FHIT: variants seen among roughly 807,000 people sequenced by gnomAD.
FHIT encodes fragile histidine triad diadenosine triphosphatase.
Under a neutral mutation model 17.9 loss-of-function variants are expected in FHIT, and 19 were observed. The ratio of observed to expected loss-of-function variants is 1.06; its 90% confidence interval spans 0.74 to 1.56. The LOEUF (loss-of-function observed/expected upper bound fraction) is 1.56. Ranked by LOEUF, FHIT falls within the 40% of genes most tolerant of loss-of-function variation. FHIT has a pLI of 0.00. For synonymous variants in FHIT, 81 were observed against 69.7 expected, an observed-to-expected ratio of 1.16 and a Z score of -0.81; for missense variants, 248 against 189.2, an observed-to-expected ratio of 1.31 and a Z score of -1.82.
chr3:60,656,842 C>T (rs1333927925), intron 4 of FHIT, among the ~76,000 whole-genome samples: 1 of 152,158 alleles, frequency 6.6e-6, no homozygotes, highest in African/African-American at 2.4e-5. Context: ...AGATTTTGCA[C>T]ATTGACAAAA....
intron 5 of FHIT, among the ~76,000 whole-genome samples, chr3:60,029,903 G>GTGTGTGTGTC (rs1559562916): frequency 6.9e-6 from 1 of 145,878 alleles, no homozygotes; most frequent in Non-Finnish European, 1.5e-5. Context: ...GTGTCTGTGT[G>GTGTGTGTGTC]TGTGTGTGTG....
chr3:59,983,720 G>C (rs1708757929), intron 7 of FHIT, among the ~76,000 whole-genome samples: 1 of 152,114 alleles, frequency 6.6e-6, no homozygotes, highest in Non-Finnish European at 1.5e-5. Context: ...CCTGGCTGTG[G>C]AAGGTGGCCT....
chr3:60,961,899 C>T (rs1553781056), intron 3 of FHIT, among the ~76,000 whole-genome samples: 2 of 152,162 alleles, frequency 1.3e-5, no homozygotes, highest in East Asian at 3.8e-4. Context: ...TTAGGATTGA[C>T]TTGGCAATGT....
chr3:59,858,093 G>A (rs1191661867), intron 8 of FHIT, among the ~76,000 whole-genome samples: 1 of 152,144 alleles, frequency 6.6e-6, no homozygotes, highest in Non-Finnish European at 1.5e-5. Flanking sequence ...AATGCAGAGA[G>A]AGTAAAAGGG....
At chr3:60,672,163 G>C (rs1441908663) in intron 4 of FHIT, among the ~76,000 whole-genome samples, 2 of 152,114 alleles carry the variant, frequency 1.3e-5, no homozygotes, top group Non-Finnish European at 2.9e-5. Context: ...TGCATATGTT[G>C]TAGTCAGCAT....
At position 60,953,611 on chromosome 3, in the gene FHIT, C is replaced by T. The variant is rs537026928; in HGVS notation, c.-111+88436G>A. On this transcript the variant is annotated intron_variant, in intron 3 of 9. Coordinates refer to ENST00000492590, the MANE Select transcript of FHIT (RefSeq NM_002012.4). ...GTGGTCTATCAGCTAAATTTAGCTC[C>T]TGTTGTGCCAATTGAAAAATGCCAA... 2.0e-5 allele frequency among the ~76,000 whole-genome samples: 3 copies of T among 152,286 alleles called. No individual in the cohort carries two copies. The South Asian group carries it at 6.2e-4, about 32-fold the overall frequency.
intron 4 of FHIT, among the ~76,000 whole-genome samples, chr3:60,559,873 CT>C (rs1286263396): frequency 6.6e-6 from 1 of 152,164 alleles, no homozygotes; most frequent in Admixed American, 6.5e-5. Context: ...ATGTTGGAGT[CT>C]TCCTGTGTTG....
At chr3:60,675,684 T>C (rs1559631992) in intron 4 of FHIT, among the ~76,000 whole-genome samples, 1 of 152,218 alleles carries the variant, frequency 6.6e-6, no homozygotes, top group Admixed American at 6.5e-5. Flanking sequence ...GTCTCTATGA[T>C]AGACTCTGAC....
chr3:60,672,001 A>G (rs2040516971), intron 4 of FHIT, among the ~76,000 whole-genome samples: 1 of 152,152 alleles, frequency 6.6e-6, no homozygotes, highest in African/African-American at 2.4e-5. Flanking sequence ...CTTTATCATT[A>G]TGATATGTCC....
At chr3:60,549,530 AACT>A (rs570972031) in intron 4 of FHIT, among the ~76,000 whole-genome samples, 63 of 152,326 alleles carry the variant, frequency 4.1e-4, no homozygotes, top group African/African-American at 1.5e-3. Flanking sequence ...TACGGGTATG[AACT>A]ACTAAATAGC....
At chr3:60,650,281 C>CTTG (rs1170912467) in intron 4 of FHIT, among the ~76,000 whole-genome samples, 48 of 152,156 alleles carry the variant, frequency 3.2e-4, no homozygotes, top group African/African-American at 1.1e-3. Flanking sequence ...GTCTTAGTTT[C>CTTG]TTGTGGTCTA....
chr3:60,648,799 C>G (rs192056874), intron 4 of FHIT, among the ~76,000 whole-genome samples: 7 of 152,294 alleles, frequency 4.6e-5, no homozygotes, highest in Admixed American at 4.6e-4. Context: ...AAGGCGTTTG[C>G]GCCTGCCTTA....
intron 7 of FHIT, among the ~76,000 whole-genome samples, chr3:59,989,818 T>C (rs965413190): frequency 6.6e-6 from 1 of 152,026 alleles, no homozygotes; most frequent in African/African-American, 2.4e-5. Context: ...GATTCCATTA[T>C]ATCAAAAAGA....
rs187314028 is a variant in FHIT, at chr3:61,131,241, G to C, written c.-164+69376C>G. Among the ~76,000 whole-genome samples the C allele has an allele frequency of 2.8e-3, 424 of 152,302 alleles. 2 individuals are homozygous for C. The highest frequency in any genetic ancestry group is 4.9e-3 in the Non-Finnish European group (333 of 68,018). On this transcript the variant is annotated intron_variant, in intron 2 of 9. Transcript: ENST00000492590. ...GTGCTTTGCACAGAGTGAGTACTCAGTACTCTAGAAGCAAAACTCATCTTT... is the reference window on the plus strand; with the variant it reads ...GTGCTTTGCACAGAGTGAGTACTCACTACTCTAGAAGCAAAACTCATCTTT...
chr3:60,456,146 G>A (rs73836740), intron 5 of FHIT, among the ~76,000 whole-genome samples: 11,478 of 152,162 alleles, frequency 0.075, 516 homozygotes, highest in African/African-American at 0.12. Context: ...AATAATGTCA[G>A]CCCACAGATG....
intron 5 of FHIT, among the ~76,000 whole-genome samples, chr3:60,103,112 G>T (rs966760326): frequency 6.6e-6 from 1 of 152,106 alleles, no homozygotes; most frequent in Admixed American, 6.6e-5. Flanking sequence ...CAGCTCCTTG[G>T]TCTTTGCACG....
intron 8 of FHIT, among the ~76,000 whole-genome samples, chr3:59,869,297 G>C (rs1025150659): frequency 6.6e-6 from 1 of 151,944 alleles, no homozygotes; most frequent in South Asian, 2.1e-4. Flanking sequence ...GGACACATAA[G>C]GGTCTCAAAG....
chr3:60,671,431 A>C (rs986429154), intron 4 of FHIT, among the ~76,000 whole-genome samples: 1 of 152,166 alleles, frequency 6.6e-6, no homozygotes, highest in Admixed American at 6.5e-5. Flanking sequence ...GAATTGACAA[A>C]TAGAAAGAAG....
intron 5 of FHIT, among the ~76,000 whole-genome samples, chr3:60,127,553 T>G (rs1242060314): frequency 3.9e-5 from 6 of 152,188 alleles, no homozygotes; most frequent in Admixed American, 2.0e-4. Flanking sequence ...TCTCCAGAAA[T>G]GATATACATC....
Sources: gnomAD v4.1 joint callset for allele counts (sites outside exome capture counted in the v4.1 genomes callset) on GRCh38, gnomAD v4.1.1 for gene constraint, MANE v1.5 for transcripts, NCBI Gene and HGNC (gene_info 2026-07-23, HGNC 2026-07-21) for gene names.